Variants in JADE2 observed in about 807,000 individuals in gnomAD.
JADE2 encodes E3 ubiquitin-protein ligase Jade-2.
A neutral mutation model predicts 85.7 loss-of-function variants in JADE2; 13 were observed. The ratio of observed to expected loss-of-function variants is 0.15; its 90% CI spans 0.10 to 0.24. The LOEUF is 0.24. Ranked by LOEUF, JADE2 falls within the 10% of genes least tolerant of loss-of-function variation. The probability of loss-of-function intolerance (pLI) is 1.00; values close to 1 mark genes in which losing one functional copy is unlikely to be tolerated. For synonymous variants in JADE2, 440 were observed against 456.1 expected (o/e 0.96, Z 0.45); for missense variants, 846 against 1,115.9 (o/e 0.76, Z 3.45).
chr5:134,568,687 G>T (rs1276541099), intron 9 of JADE2, among the ~76,000 whole-genome samples: 1 of 152,252 alleles, frequency 6.6e-6, no homozygotes, highest in Non-Finnish European at 1.5e-5. Flanking sequence ...GAGGGCAGGG[G>T]CATGCACAGC....
chr5:134,530,909 G>A (rs541518031), intron 1 of JADE2, among the ~76,000 whole-genome samples: 3 of 152,316 alleles, frequency 2.0e-5, no homozygotes, highest in Admixed American at 6.5e-5. Context: ...GGGAGGGAGC[G>A]AGAGCACACT....
chr5:134,534,908 C>T (rs530454453), intron 1 of JADE2, among the ~76,000 whole-genome samples: 9 of 152,302 alleles, frequency 5.9e-5, no homozygotes, highest in South Asian at 2.1e-4. Context: ...ACCTGGGACT[C>T]GTGAGGATTA....
At chr5:134,574,165 C>T (rs374415842) in intron 10 of JADE2, 5 of 299,478 alleles carry the variant, frequency 1.7e-5, no homozygotes, top group Admixed American at 5.0e-5. Flanking sequence ...GAGTCAGTTC[C>T]GAAGAAGGCA....
chr5:134,544,080 G>A (rs1464253993), intron 3 of JADE2, among the ~76,000 whole-genome samples: 1 of 152,276 alleles, frequency 6.6e-6, no homozygotes, highest in African/African-American at 2.4e-5. Context: ...ACAGGCGGAA[G>A]GGCAGGCCAA....
rs2149936493 is a variant in JADE2, at chr5:134,552,340, T to A, written c.311+131T>A. 2.3e-6 allele frequency: 2 copies of A among 853,072 alleles called. 1 individual carries two copies. The highest frequency in any genetic ancestry group is 3.8e-5 in the South Asian group (2 of 52,774). The allele number at this position is 853,072 out of a possible 1,614,324, so 52.8% of individuals were successfully genotyped here. ...TCTCTATTCTGTATTCCATTCCCTT[T>A]TCCAACAAACCATTGAAATGTTCCA... On this transcript the variant is annotated intron_variant, in intron 4 of 11. Transcript: ENST00000681547.
intron 7 of JADE2, 147 bp from the exon 8 acceptor site, chr5:134,564,347 G>T: frequency 3.6e-6 from 2 of 548,508 alleles, no homozygotes; most frequent in Non-Finnish European, 6.7e-6. Flanking sequence ...ATGCTTGTTT[G>T]GTGTCAGGAG....
At chr5:134,577,932 C>T (rs1362180752) in intron 11 of JADE2, among the ~76,000 whole-genome samples, 1 of 152,164 alleles carries the variant, frequency 6.6e-6, no homozygotes, top group Non-Finnish European at 1.5e-5. Context: ...GCTGCAAGCG[C>T]TGGGAGGCAA....
intron 1 of JADE2, among the ~76,000 whole-genome samples, chr5:134,527,075 C>T (rs968666513): frequency 1.3e-5 from 2 of 152,166 alleles, no homozygotes; most frequent in Non-Finnish European, 2.9e-5. Flanking sequence ...CCGTTTGGGA[C>T]GCACACACCT....
chr5:134,525,588 T>TTCCCCCCCC, upstream of JADE2: 1 of 255,648 alleles, frequency 3.9e-6, no homozygotes. Flanking sequence ...TCGCTCCTCC[T>TTCCCCCCCC]GCCCGCCCCC....
chr5:134,571,245 C>T (rs1480352328), intron 9 of JADE2, among the ~76,000 whole-genome samples: 1 of 152,220 alleles, frequency 6.6e-6, no homozygotes, highest in South Asian at 2.1e-4. Context: ...TGTAGTATGA[C>T]CTCATCTTAA....
At chr5:134,530,250 C>T (rs937622763) in intron 1 of JADE2, among the ~76,000 whole-genome samples, 2 of 152,216 alleles carry the variant, frequency 1.3e-5, no homozygotes, top group African/African-American at 4.8e-5. Context: ...GTTTTCCAGC[C>T]GAAATATCAT....
At chr5:134,546,369 T>G (rs888171522) in intron 3 of JADE2, among the ~76,000 whole-genome samples, 4 of 152,162 alleles carry the variant, frequency 2.6e-5, no homozygotes, top group Admixed American at 2.6e-4. Context: ...GTACCTGCTG[T>G]GTGTCAAACA....
chr5:134,556,715 A>G (rs1762954748), intron 4 of JADE2, among the ~76,000 whole-genome samples: 1 of 143,592 alleles, frequency 7.0e-6, no homozygotes, highest in Non-Finnish European at 1.5e-5. Context: ...CACCACACAC[A>G]CACCTCACAC....
intron 9 of JADE2, among the ~76,000 whole-genome samples, chr5:134,573,118 G>A (rs1354459324): frequency 6.6e-6 from 1 of 152,240 alleles, no homozygotes; most frequent in Non-Finnish European, 1.5e-5. Flanking sequence ...AAGTACCGGG[G>A]CCATTTGTGG....
At chr5:134,524,509 T>A (rs550134097), upstream of JADE2, 3 of 152,390 alleles carry the variant, frequency 2.0e-5, no homozygotes, top group African/African-American at 7.2e-5. Flanking sequence ...TTCCTCGCCA[T>A]GTGCCAGCCT....
chr5:134,564,061 T>G, intron 7 of JADE2: 1 of 153,118 alleles, frequency 6.5e-6, no homozygotes, highest in Non-Finnish European at 1.5e-5. Context: ...AAATAAGTAA[T>G]ACAAATACAA....
intron 1 of JADE2, among the ~76,000 whole-genome samples, chr5:134,532,745 C>T (rs1022845455): frequency 6.6e-6 from 1 of 152,090 alleles, no homozygotes; most frequent in African/African-American, 2.4e-5. Context: ...GAAAGGAGTC[C>T]TCCCTGTCCC....
At chr5:134,572,992 CG>C (rs1441146950) in intron 9 of JADE2, among the ~76,000 whole-genome samples, 1 of 151,824 alleles carries the variant, frequency 6.6e-6, no homozygotes, top group African/African-American at 2.4e-5. Flanking sequence ...GCCAGCATGG[CG>C]TGAGCCTGGC....
At chr5:134,560,666 A>C in intron 5 of JADE2, 80 bp from the exon 6 acceptor site, 1 of 1,265,048 alleles carries the variant, frequency 7.9e-7, no homozygotes, top group Non-Finnish European at 1.1e-6. Flanking sequence ...AATTCCTGCA[A>C]CTCCAGGAGC....
Sources: allele counts gnomAD v4.1 joint callset (sites outside exome capture counted in the v4.1 genomes callset), GRCh38; gene constraint gnomAD v4.1.1; transcripts MANE v1.5; gene names NCBI Gene and HGNC (gene_info 2026-07-23, HGNC 2026-07-21).